The following WDR62 variants were observed in gnomAD, a reference collection of about 807,000 sequenced individuals.
WDR62 encodes WD repeat domain 62, also known as WD repeat-containing protein 62.
In WDR62, 112 loss-of-function variants were observed where a neutral mutation model predicts 160.6. The ratio of observed to expected loss-of-function variants is 0.70; its 90% CI spans 0.60 to 0.82. The LOEUF is 0.82. Ranked by LOEUF, WDR62 falls within the 40% of genes least tolerant of loss-of-function variation. WDR62 has a pLI of 0.00. For missense variants in WDR62, 1,819 were observed against 1,983.8 expected, an observed-to-expected ratio of 0.92 and a Z score of 1.58; for synonymous variants, 792 against 815.1, an observed-to-expected ratio of 0.97 and a Z score of 0.48.
At chr19:36,101,908 G>T in intron 25 of WDR62, 106 bp from the exon 26 acceptor site, 7 of 1,571,482 alleles carry the variant, frequency 4.5e-6, no homozygotes, top group Non-Finnish European at 6.1e-6. Context: ...CTCAGCCTGC[G>T]GGCAACAGGG....
chr19:36,067,545 G>C (rs557639477), intron 6 of WDR62, 102 bp downstream of exon 6: 9 of 1,553,978 alleles, frequency 5.8e-6, no homozygotes, highest in African/African-American at 2.7e-5. Context: ...CAGCGGTCTC[G>C]GGCCATTTGG....
Position 36,099,541 on chromosome 19 carries a change from C to G in WDR62, c.2663C>G (p.Pro888Arg). 6.2e-7 allele frequency: 1 copy of G among 1,614,202 alleles called. No homozygotes were observed. The highest frequency in any genetic ancestry group is 1.3e-5 in the African/African-American group (1 of 75,062). ...CAGGACCTGGATTGCTACTTTACCC[C>G]CATGAAGCCCGAGAGTCTGGAGAAC... ...DAQDLDCYFTPMKPESLENSI... is the reference protein window; with the variant it reads ...DAQDLDCYFTRMKPESLENSI... The change falls in exon 22 of 32, where the codon CCC becomes CGC. Residue 888 changes from proline (P) to arginine (R), a missense_variant. Coordinates refer to ENST00000401500, the MANE Select transcript of WDR62 (RefSeq NM_001083961.2).
chr19:36,097,867 CA>C (rs1973067693), intron 21 of WDR62, among the ~76,000 whole-genome samples: 2 of 151,704 alleles, frequency 1.3e-5, no homozygotes, highest in Admixed American at 6.6e-5. Context: ...GCAACAGAGC[CA>C]ACACTTTGTC....
intron 8 of WDR62, 150 bp downstream of exon 8, chr19:36,071,866 TCCTTG>T (rs983475814): frequency 3.5e-6 from 4 of 1,126,782 alleles, no homozygotes; most frequent in Middle Eastern, 3.0e-4. Flanking sequence ...AGCAGAAAAG[TCCTTG>T]CCTTCCGAGG....
intron 24 of WDR62, 125 bp from the exon 25 acceptor site, chr19:36,101,538 TG>T: frequency 4.8e-6 from 4 of 827,950 alleles, no homozygotes; most frequent in Non-Finnish European, 8.0e-6. Flanking sequence ...ATTCATAAAA[TG>T]GGGGGCAGCT....
intron 24 of WDR62, 84 bp downstream of exon 24, chr19:36,101,401 C>T (rs1046411955): frequency 8.2e-7 from 1 of 1,224,442 alleles, no homozygotes; most frequent in Non-Finnish European, 1.2e-6. Context: ...GACTTTGACC[C>T]AGTACTGAAG....
At chr19:36,082,434 G>A (rs748471743) in intron 10 of WDR62, among the ~76,000 whole-genome samples, 3 of 152,168 alleles carry the variant, frequency 2.0e-5, no homozygotes, top group Non-Finnish European at 2.9e-5. Context: ...GTGGGAAACA[G>A]CTGGGTGAAT....
chr19:36,094,606 C>T (rs903548176), intron 20 of WDR62, among the ~76,000 whole-genome samples: 7 of 151,344 alleles, frequency 4.6e-5, no homozygotes, highest in African/African-American at 1.7e-4. Context: ...ATTCAGTAAT[C>T]AGGCTTAGCG....
At chr19:36,057,416 G>A (rs140787333) in intron 1 of WDR62, among the ~76,000 whole-genome samples, 7 of 152,300 alleles carry the variant, frequency 4.6e-5, no homozygotes, top group South Asian at 2.1e-4. Context: ...CGACAGATAA[G>A]ACAACATGAG....
chr19:36,101,548 C>T, intron 24 of WDR62, 116 bp from the exon 25 acceptor site: 1 of 860,510 alleles, frequency 1.2e-6, no homozygotes, highest in East Asian at 2.7e-5. Context: ...TGGGGGGCAG[C>T]TGCTCTTACC....
At chr19:36,069,551 C>T (rs1184180058) in intron 7 of WDR62, among the ~76,000 whole-genome samples, 1 of 152,110 alleles carries the variant, frequency 6.6e-6, no homozygotes, top group Non-Finnish European at 1.5e-5. Flanking sequence ...AGACGATGGG[C>T]GGCCAGGCAG....
intron 16 of WDR62, 138 bp from the exon 17 acceptor site, chr19:36,091,062 T>G: frequency 1.4e-6 from 1 of 727,394 alleles, no homozygotes; most frequent in Non-Finnish European, 2.5e-6. Context: ...TTTCTTCACG[T>G]GTCGAATGGG....
chr19:36,067,886 A>G lies in WDR62; in HGVS notation c.758A>G (p.Asn253Ser). ...GGCATCCTGGGCGAGCTGCACAACA[A>G]CATCTTCTGTGGTGTGGCCTGCGGT... Reference protein sequence around the residue: ...RSGILGELHNNIFCGVACGRG... With the variant: ...RSGILGELHNSIFCGVACGRG... Residue 253 changes from asparagine to serine, a missense_variant, in exon 7 of 32, where the codon AAC (asparagine) becomes AGC (serine). Coordinates refer to ENST00000401500, the MANE Select transcript of WDR62 (RefSeq NM_001083961.2). 6.2e-7 allele frequency: 1 copy of G among 1,614,154 alleles called. No homozygotes were observed. The highest frequency in any genetic ancestry group is 8.5e-7 in the Non-Finnish European group (1 of 1,180,030).
Position 36,071,677 on chromosome 19 carries a change from A to G in WDR62, c.1004A>G (p.His335Arg). The change falls in exon 8 of 32, where the codon CAC becomes CGC. Residue 335 changes from histidine to arginine, a missense_variant. Physicochemically the swap from His to Arg is conservative, Grantham distance 29 (BLOSUM62 0). Around this residue, in one of 3 missense-constraint regions of WDR62, gnomAD observed 934 missense variants for 1,157.2 expected, o/e 0.81. Transcript: ENST00000401500. ...TACCTCGCCAACCTGCCCAAGCCAC[A>G]CTACCTTGGGGTAGACGTGGCACAG... is the stretch of plus-strand genomic sequence containing the variant. ...LHYLANLPKP[H>R]YLGVDVAQGL... 6.2e-7 allele frequency: 1 copy of G among 1,614,162 alleles called. No individual in the cohort carries two copies.
chr19:36,081,831 C>G, intron 10 of WDR62: 4 of 605,534 alleles, frequency 6.6e-6, no homozygotes, highest in Admixed American at 2.1e-5. Flanking sequence ...CGTGGCCACT[C>G]CCGGCAGCCC....
In WDR62 at chr19:36,090,941, C is replaced by G. The variant is rs568823000; in HGVS notation, c.2035-259C>G. ...TGGGCAAGCATCATCTCTTGAAATG[C>G]ACACAGACAGCTTGTCTCATAGACT... On this transcript the variant is annotated intron_variant, in intron 16 of 31. Coordinates refer to ENST00000401500, the MANE Select transcript of WDR62 (RefSeq NM_001083961.2). Among the ~76,000 whole-genome samples the G allele has an allele frequency of 1.2e-4, 18 of 152,372 alleles. No homozygotes were observed. The South Asian group carries it at 3.5e-3, about 30-fold the overall frequency.
At chr19:36,098,916 C>T (rs147249911) in intron 21 of WDR62, among the ~76,000 whole-genome samples, 40 of 152,186 alleles carry the variant, frequency 2.6e-4, no homozygotes, top group Non-Finnish European at 5.1e-4. Context: ...TGAGAGTCCA[C>T]CTCTACCAAA....
intron 9 of WDR62, chr19:36,073,923 A>C: frequency 2.8e-6 from 1 of 360,682 alleles, no homozygotes; most frequent in Non-Finnish European, 5.5e-6. Context: ...AACCACAAGC[A>C]CAGAGGCCCT....
At position 36,099,551 on chromosome 19, in the gene WDR62, C is replaced by T. The variant is rs776832931; in HGVS notation, c.2673C>T (p.Pro891=). 45 of 1,614,074 alleles carry T rather than the reference C, an allele frequency of 2.8e-5. No individual in the cohort carries two copies. The highest frequency in any genetic ancestry group is 4.0e-5 in the African/African-American group (3 of 74,922). Residue 891 remains proline, a synonymous_variant, in exon 22 of 32, where the codon CCC becomes CCT. Coordinates refer to ENST00000401500, the MANE Select transcript of WDR62 (RefSeq NM_001083961.2). ...ATTGCTACTTTACCCCCATGAAGCCCGAGAGTCTGGAGAACTCCATTCTGG... is the reference window on the plus strand; with the variant it reads ...ATTGCTACTTTACCCCCATGAAGCCTGAGAGTCTGGAGAACTCCATTCTGG... ...DLDCYFTPMK[P]ESLENSILDS... is the part of the protein sequence containing the mutation.
Sources: gnomAD v4.1 joint callset for allele counts (sites outside exome capture counted in the v4.1 genomes callset) on GRCh38, gnomAD v4.1.1 for gene constraint, gnomAD v4.1.1 regional missense constraint, MANE v1.5 for transcripts, NCBI Gene and HGNC (gene_info 2026-07-23, HGNC 2026-07-21) for gene names.